Variants in KCMF1 observed in about 807,000 individuals in gnomAD.
KCMF1 encodes the protein potassium channel modulatory factor 1.
KCMF1 carries 3 observed loss-of-function variants against 41.1 expected under a neutral mutation model. That is an observed-to-expected ratio of 0.07 (90% CI 0.03 to 0.19). The LOEUF (loss-of-function observed/expected upper bound fraction) is 0.19. Ranked by LOEUF, KCMF1 falls within the 10% of genes least tolerant of loss-of-function variation. The probability of loss-of-function intolerance (pLI) is 1.00; values close to 1 mark genes in which losing one functional copy is unlikely to be tolerated. For synonymous variants in KCMF1, 142 were observed against 164.5 expected, an observed-to-expected ratio of 0.86 and a Z score of 1.04; for missense variants, 286 against 488.9, an observed-to-expected ratio of 0.58 and a Z score of 3.91.
At chr2:84,995,597 A>G (rs1674159172) in intron 1 of KCMF1, among the ~76,000 whole-genome samples, 1 of 152,108 alleles carries the variant, frequency 6.6e-6, no homozygotes, top group African/African-American at 2.4e-5. Context: ...TAGTGATTGC[A>G]AGAGGTTGAC....
intron 1 of KCMF1, among the ~76,000 whole-genome samples, chr2:85,008,288 T>TAATATATAATATATAATATGATATAC (rs1674530962): frequency 2.1e-5 from 2 of 96,468 alleles, no homozygotes; most frequent in African/African-American, 4.3e-5. Flanking sequence ...ATATGATATA[T>TAATATATAATATATAATATGATATAC]AATATATATA....
At chr2:85,013,572 G>A (rs1674697635) in intron 1 of KCMF1, among the ~76,000 whole-genome samples, 1 of 152,092 alleles carries the variant, frequency 6.6e-6, no homozygotes, top group Non-Finnish European at 1.5e-5. Flanking sequence ...GGCCGAGGTG[G>A]GCGGATCACG....
chr2:85,026,739 C>T (rs981390090), intron 1 of KCMF1, among the ~76,000 whole-genome samples: 2 of 152,086 alleles, frequency 1.3e-5, no homozygotes, highest in African/African-American at 4.8e-5. Flanking sequence ...CCCCCTGCCT[C>T]GCCTTGCCAA....
intron 1 of KCMF1, among the ~76,000 whole-genome samples, chr2:84,997,853 G>A (rs375353588): frequency 1.5e-5 from 2 of 133,226 alleles, no homozygotes; most frequent in African/African-American, 5.8e-5. Flanking sequence ...TCACTGCAAC[G>A]TCCGCCTCCT....
At chr2:84,983,699 T>C (rs1275216603) in intron 1 of KCMF1, among the ~76,000 whole-genome samples, 1 of 152,122 alleles carries the variant, frequency 6.6e-6, no homozygotes, top group Non-Finnish European at 1.5e-5. Context: ...TTAGTTGAAA[T>C]GGGGTTTCAC....
intron 1 of KCMF1, among the ~76,000 whole-genome samples, chr2:85,005,711 A>G (rs546953664): frequency 4.6e-5 from 7 of 152,178 alleles, no homozygotes; most frequent in East Asian, 3.9e-4. Flanking sequence ...AGGTCTCACT[A>G]TGTTTCCCAG....
intron 1 of KCMF1, among the ~76,000 whole-genome samples, chr2:85,015,237 C>G (rs1390437914): frequency 6.7e-6 from 1 of 149,744 alleles, no homozygotes; most frequent in Admixed American, 6.7e-5. Context: ...GAGCTCTTAT[C>G]TAATTACTCT....
intron 1 of KCMF1, among the ~76,000 whole-genome samples, chr2:85,008,282 G>GAT (rs1268635309): frequency 1.1e-4 from 8 of 75,824 alleles, no homozygotes; most frequent in Admixed American, 4.4e-4. Context: ...TATATAATAT[G>GAT]ATATATAATA....
chr2:84,998,592 TTTACTTAC>T (rs546940355), intron 1 of KCMF1, among the ~76,000 whole-genome samples: 10 of 151,394 alleles, frequency 6.6e-5, no homozygotes, highest in African/African-American at 1.2e-4. Context: ...TATTTATTTA[TTTACTTAC>T]TTACTTACTT....
At chr2:84,989,516 C>T (rs1397340922) in intron 1 of KCMF1, among the ~76,000 whole-genome samples, 1 of 152,056 alleles carries the variant, frequency 6.6e-6, no homozygotes, top group South Asian at 2.1e-4. Context: ...TGAAAGATAG[C>T]ACTTTGGAGG....
At chr2:84,973,076 C>A (rs1010238706) in intron 1 of KCMF1, among the ~76,000 whole-genome samples, 9 of 152,194 alleles carry the variant, frequency 5.9e-5, no homozygotes, top group African/African-American at 2.2e-4. Context: ...AACTGTAGTC[C>A]TGTGTACATT....
chr2:85,022,112 C>T (rs906222551), intron 1 of KCMF1, among the ~76,000 whole-genome samples: 4 of 151,922 alleles, frequency 2.6e-5, no homozygotes, highest in Admixed American at 6.6e-5. Context: ...CCACCACGCC[C>T]GGCCTGTTTT....
chr2:85,032,292 C>CG (rs1181058845), intron 2 of KCMF1, among the ~76,000 whole-genome samples: 5 of 152,170 alleles, frequency 3.3e-5, no homozygotes, highest in Non-Finnish European at 7.3e-5. Flanking sequence ...CTGCCTCAGC[C>CG]TCCCAAGTAG....
chr2:84,975,791 C>T (rs1368935675), intron 1 of KCMF1, among the ~76,000 whole-genome samples: 1 of 152,176 alleles, frequency 6.6e-6, no homozygotes, highest in African/African-American at 2.4e-5. Context: ...AGCTTAAAAT[C>T]TACTTTTAAA....
rs1218471639 is a variant in KCMF1, at chr2:85,054,419, T to A, written c.*1010T>A. ...TTGAGGATTTGCCTTCCCAGATTTG[T>A]CAGTATATTACAACCAAATTCTTAA... On this transcript the variant is annotated 3_prime_UTR_variant, in exon 7 of 7. Coordinates refer to ENST00000409785, the MANE Select transcript of KCMF1 (RefSeq NM_020122.5). 6.6e-6 allele frequency: 1 copy of A among 152,214 alleles called. No homozygotes were observed. The highest frequency in any genetic ancestry group is 1.5e-5 in the Non-Finnish European group (1 of 68,036). 9.4% of individuals were successfully genotyped at this position (152,214 alleles called of 1,614,324 possible). A position where few individuals can be genotyped will look rare whatever the true frequency, so the allele number is the denominator to read the frequency against.
chr2:84,971,547 C>A, intron 1 of KCMF1, 80 bp downstream of exon 1: 1 of 797,098 alleles, frequency 1.3e-6, no homozygotes, highest in Non-Finnish European at 1.6e-6. Context: ...GGAGGGCGGC[C>A]GGGAAGCGGC....
intron 1 of KCMF1, among the ~76,000 whole-genome samples, chr2:85,016,986 C>T (rs116311687): frequency 0.015 from 2,056 of 135,860 alleles, 50 homozygotes; most frequent in African/African-American, 0.053. Context: ...TTTTTACTTG[C>T]TTTTGTATTC....
chr2:85,051,083 A>G (rs1456021029), intron 6 of KCMF1, among the ~76,000 whole-genome samples: 4 of 152,256 alleles, frequency 2.6e-5, no homozygotes, highest in Non-Finnish European at 5.9e-5. Flanking sequence ...AGGTCCAATT[A>G]ATGGTACTCG....
intron 3 of KCMF1, 98 bp downstream of exon 3, chr2:85,035,253 G>A (rs1675380583): frequency 1.0e-6 from 1 of 978,204 alleles, no homozygotes; most frequent in South Asian, 1.8e-5. Context: ...TTCCTGCTCA[G>A]TGTAATGATA....
Sources: allele counts gnomAD v4.1 joint callset (sites outside exome capture counted in the v4.1 genomes callset), GRCh38; gene constraint gnomAD v4.1.1; transcripts MANE v1.5; gene names NCBI Gene and HGNC (gene_info 2026-07-23, HGNC 2026-07-21).